USP25: variants seen among roughly 807,000 people sequenced by gnomAD.
USP25 encodes ubiquitin specific peptidase 25, also known as ubiquitin carboxyl-terminal hydrolase 25.
A neutral mutation model predicts 158.5 loss-of-function variants in USP25; 85 were observed. That is an observed-to-expected ratio of 0.54 (90% confidence interval 0.45 to 0.64). The LOEUF (loss-of-function observed/expected upper bound fraction) is 0.64, where lower values mean the gene tolerates loss of function less well. Ranked by LOEUF, USP25 falls within the 30% of genes least tolerant of loss-of-function variation. The probability of loss-of-function intolerance (pLI) is 0.00; values close to 1 mark genes in which losing one functional copy is unlikely to be tolerated. For missense variants in USP25, 1,242 were observed against 1,327.3 expected, an observed-to-expected ratio of 0.94 and a Z score of 1.00; for synonymous variants, 464 against 460.4, an observed-to-expected ratio of 1.01 and a Z score of -0.10.
At position 15,766,830 on chromosome 21, in the gene USP25, T is replaced by G. The variant is rs2034066280; in HGVS notation, c.268+689T>G. Among the ~76,000 whole-genome samples, 1 of 152,110 alleles carries G rather than the reference T, an allele frequency of 6.6e-6. No homozygotes were observed. Among genetic ancestry groups the G allele is most frequent in the African/African-American group, 2.4e-5 (1 of 41,436 alleles). Reference sequence around the variant, plus strand: ...ACATAAAAATAGTTACTTTTATGCCTTATGGATTTGCAAAGTTTGATTATT... The same window carrying G: ...ACATAAAAATAGTTACTTTTATGCCGTATGGATTTGCAAAGTTTGATTATT... On this transcript the variant is annotated intron_variant, in intron 3 of 25. Transcript: ENST00000400183. The surrounding 1 kb of genome is among the most constrained non-coding windows in gnomAD (Gnocchi z 4.0).
intron 18 of USP25, among the ~76,000 whole-genome samples, chr21:15,844,687 A>G (rs1213977964): frequency 1.3e-5 from 2 of 152,170 alleles, no homozygotes; most frequent in Admixed American, 6.5e-5. Flanking sequence ...GATATTTTCA[A>G]TATAGAAGAG....
At chr21:15,825,817 T>C (rs1344623094) in intron 12 of USP25, among the ~76,000 whole-genome samples, 2 of 152,204 alleles carry the variant, frequency 1.3e-5, no homozygotes, top group Non-Finnish European at 1.5e-5. Context: ...AATAATCATA[T>C]TGAAACATGA....
rs761375184 is a variant in USP25 at position 15,791,586 on chromosome 21, T to C, written c.477T>C (p.Tyr159=). The part of the protein sequence containing the change: ...TEVWRDSRNP[Y]DRKRQDKAPV... ...TTTGGAGGGATTCTCGAAACCCTTA[T>C]GATAGAAAAAGACAGGACAAAGCTC... Residue 159 remains tyrosine, a synonymous_variant, in exon 5 of 26, where the codon TAT becomes TAC. Coordinates refer to ENST00000400183, the MANE Select transcript of USP25 (RefSeq NM_001283041.3). 3 of 1,611,826 alleles carry C rather than the reference T, an allele frequency of 1.9e-6. No homozygotes were observed. The highest frequency in any genetic ancestry group is 2.5e-6 in the Non-Finnish European group (3 of 1,178,528).
chr21:15,837,423 G>T (rs1242606805), intron 17 of USP25, among the ~76,000 whole-genome samples: 1 of 152,170 alleles, frequency 6.6e-6, no homozygotes, highest in Non-Finnish European at 1.5e-5. Flanking sequence ...GGGGATCAGA[G>T]TGAGTAGGGT....
At chr21:15,835,970 C>G (rs1250375428) in intron 17 of USP25, among the ~76,000 whole-genome samples, 1 of 152,116 alleles carries the variant, frequency 6.6e-6, no homozygotes, top group Non-Finnish European at 1.5e-5. Context: ...ACCATTTATT[C>G]CCTATTATTA....
At chr21:15,792,072 T>C (rs2035618272) in intron 5 of USP25, among the ~76,000 whole-genome samples, 1 of 151,802 alleles carries the variant, frequency 6.6e-6, no homozygotes, top group African/African-American at 2.4e-5. Flanking sequence ...TATAGAATTA[T>C]AGACACTTAG....
chr21:15,859,946 A>G (rs144061414), intron 20 of USP25, among the ~76,000 whole-genome samples: 1,764 of 146,158 alleles, frequency 0.012, 33 homozygotes, highest in African/African-American at 0.042. Context: ...AATCTTTTCT[A>G]TATTTAAATT....
intron 4 of USP25, among the ~76,000 whole-genome samples, chr21:15,784,168 C>G (rs533944875): frequency 6.6e-6 from 1 of 152,194 alleles, no homozygotes; most frequent in South Asian, 2.1e-4. Flanking sequence ...TCAGAATACC[C>G]CAGTGCTGTA....
intron 1 of USP25, among the ~76,000 whole-genome samples, chr21:15,742,262 G>A (rs1601246976): frequency 6.6e-6 from 1 of 152,238 alleles, no homozygotes; most frequent in East Asian, 1.9e-4. Flanking sequence ...GGTCATCAGG[G>A]CAGAATTGTT....
intron 3 of USP25, among the ~76,000 whole-genome samples, chr21:15,770,852 A>G (rs562121769): frequency 6.8e-4 from 104 of 152,326 alleles, no homozygotes; most frequent in African/African-American, 2.4e-3. Context: ...AAGAATAGGA[A>G]CATCTGAAGG....
chr21:15,868,282 C>A (rs1241162385), intron 22 of USP25, among the ~76,000 whole-genome samples: 1 of 152,086 alleles, frequency 6.6e-6, no homozygotes, highest in African/African-American at 2.4e-5. Context: ...AATCTAGAGC[C>A]AGAGAAATTC....
chr21:15,741,024 C>G (rs2032000460), intron 1 of USP25, among the ~76,000 whole-genome samples: 2 of 152,080 alleles, frequency 1.3e-5, no homozygotes, highest in Admixed American at 1.3e-4. Flanking sequence ...TCACCTTTCT[C>G]ATTAATTATC....
chr21:15,801,846 G>A (rs2036151909), intron 6 of USP25, among the ~76,000 whole-genome samples: 1 of 151,550 alleles, frequency 6.6e-6, no homozygotes, highest in African/African-American at 2.4e-5. Context: ...TACATATTGA[G>A]TGAGATTTGA....
chr21:15,809,597 C>T (rs777467266), intron 8 of USP25, among the ~76,000 whole-genome samples: 1 of 152,074 alleles, frequency 6.6e-6, no homozygotes, highest in Admixed American at 6.6e-5. Context: ...ATGGGGATTT[C>T]TTAAAAGATT....
chr21:15,730,936 C>G (rs1411210754), intron 1 of USP25, among the ~76,000 whole-genome samples: 1 of 110,434 alleles, frequency 9.1e-6, no homozygotes, highest in East Asian at 2.7e-4. Context: ...TGCTTGGTTT[C>G]TTTTCCTTTT....
intron 4 of USP25, among the ~76,000 whole-genome samples, chr21:15,786,562 A>G (rs1209557091): frequency 6.6e-6 from 1 of 152,178 alleles, no homozygotes; most frequent in South Asian, 2.1e-4. Flanking sequence ...AGCACATTAC[A>G]AAGTTTAACA....
In USP25 at chr21:15,878,763, G is replaced by C; in HGVS notation, c.*288G>C. 1 of 279,422 alleles carries C rather than the reference G, an allele frequency of 3.6e-6. No individual in the cohort carries two copies. Among genetic ancestry groups the C allele is most frequent in the East Asian group, 7.3e-5 (1 of 13,624 alleles). The allele number at this position is 279,422 out of a possible 1,614,324, so 17.3% of individuals were successfully genotyped here. A position where few individuals can be genotyped will look rare whatever the true frequency, so the allele number is the denominator to read the frequency against. On this transcript the variant is annotated 3_prime_UTR_variant, in exon 26 of 26. Coordinates refer to ENST00000400183, the MANE Select transcript of USP25 (RefSeq NM_001283041.3). ...CACCTTCCTGTTGCAGTATTACTTT[G>C]CTTTTATCTTTTCTTTCTCAACAGC...
intron 1 of USP25, among the ~76,000 whole-genome samples, chr21:15,733,389 G>A (rs1295111644): frequency 3.3e-5 from 5 of 152,212 alleles, no homozygotes; most frequent in African/African-American, 1.2e-4. Context: ...GTTTCCAAAA[G>A]GAGTGTAGTA....
chr21:15,847,508 G>A (rs2038678252), intron 18 of USP25, among the ~76,000 whole-genome samples, 155 bp from the exon 19 acceptor site: 1 of 152,192 alleles, frequency 6.6e-6, no homozygotes, highest in African/African-American at 2.4e-5. Flanking sequence ...TGCTTAAACA[G>A]TTTAATAGTG....
Sources: allele counts gnomAD v4.1 joint callset (sites outside exome capture counted in the v4.1 genomes callset), GRCh38; gene constraint gnomAD v4.1.1; non-coding constraint Gnocchi (gnomAD v3.1); transcripts MANE v1.5; gene names NCBI Gene and HGNC (gene_info 2026-07-23, HGNC 2026-07-21).